Variants in CHD2 observed in about 807,000 individuals in gnomAD.
The protein encoded by CHD2 is chromodomain helicase DNA binding protein 2, also known as ATP-dependent chromatin remodeler CHD2.
Under a neutral mutation model 243.9 loss-of-function variants are expected in CHD2, and 28 were observed. The observed-to-expected ratio is 0.11, with a 90% CI of 0.09 to 0.16. The LOEUF is 0.16. CHD2 is among the 10% of genes least tolerant of loss of function. CHD2 has a pLI of 1.00. For synonymous variants in CHD2, 775 were observed against 779.0 expected (o/e 0.99, Z 0.09); for missense variants, 1,386 against 2,209.8 (o/e 0.63, Z 7.47).
chr15:92,911,565 C>T (rs2052735558), intron 2 of CHD2, among the ~76,000 whole-genome samples: 2 of 152,094 alleles, frequency 1.3e-5, no homozygotes, highest in South Asian at 2.1e-4. Context: ...TGGTGAAACC[C>T]TGTGTCTACT....
intron 26 of CHD2, among the ~76,000 whole-genome samples, chr15:92,987,085 C>G (rs537857795): frequency 6.6e-6 from 1 of 152,142 alleles, no homozygotes; most frequent in Non-Finnish European, 1.5e-5. Flanking sequence ...CTCTGTTACT[C>G]TTATATGATC....
At chr15:92,969,171 T>C (rs2053806800) in intron 17 of CHD2, among the ~76,000 whole-genome samples, 1 of 152,262 alleles carries the variant, frequency 6.6e-6, no homozygotes, top group East Asian at 1.9e-4. Context: ...ATATGATTTT[T>C]CTGGCAACTC....
chr15:92,904,773 C>T (rs1375606944), intron 2 of CHD2: 10 of 1,400,808 alleles, frequency 7.1e-6, no homozygotes, highest in Non-Finnish European at 9.2e-6. Flanking sequence ...AGCGTCCCTT[C>T]TCCCCGCCCC....
At chr15:92,939,550 T>C (rs898121624) in intron 6 of CHD2, 28 bp from the exon 7 acceptor site, 1 of 1,606,024 alleles carries the variant, frequency 6.2e-7, no homozygotes, top group Admixed American at 1.7e-5. Context: ...AGTGAAGACT[T>C]AGCCTTTTGT....
chr15:92,916,913 T>C (rs1035834048), intron 2 of CHD2, among the ~76,000 whole-genome samples: 4 of 152,246 alleles, frequency 2.6e-5, no homozygotes, highest in African/African-American at 9.6e-5. Context: ...TAAGAGACTT[T>C]AATTTCTGCA....
chr15:92,935,877 A>G (rs1342682171), intron 5 of CHD2, among the ~76,000 whole-genome samples: 1 of 152,152 alleles, frequency 6.6e-6, no homozygotes, highest in Non-Finnish European at 1.5e-5. Flanking sequence ...TTTCTGTCTT[A>G]CCAGAAGCAC....
chr15:93,014,565 G>A (rs1347703985), intron 36 of CHD2, 131 bp from the exon 37 acceptor site: 2 of 729,774 alleles, frequency 2.7e-6, no homozygotes, highest in Non-Finnish European at 4.6e-6. Context: ...TTTTTTGTTA[G>A]GAGGTAGTAA....
chr15:92,951,819 C>A (rs949511988), intron 13 of CHD2, among the ~76,000 whole-genome samples: 3 of 152,148 alleles, frequency 2.0e-5, no homozygotes, highest in Non-Finnish European at 2.9e-5. Context: ...CATCATTCTC[C>A]CTTTCCCAAG....
intron 5 of CHD2, among the ~76,000 whole-genome samples, chr15:92,933,211 A>T (rs1226179156): frequency 6.6e-6 from 1 of 152,172 alleles, no homozygotes; most frequent in Non-Finnish European, 1.5e-5. Context: ...AGCTGTATTC[A>T]TACTTTTAAA....
intron 17 of CHD2, among the ~76,000 whole-genome samples, chr15:92,971,480 G>A (rs1318675152): frequency 6.6e-6 from 1 of 152,168 alleles, no homozygotes; most frequent in Non-Finnish European, 1.5e-5. Flanking sequence ...TAAAGCATAT[G>A]TGTGTGTTGT....
chr15:92,974,588 T>G (rs2053883385), intron 19 of CHD2: 1 of 293,672 alleles, frequency 3.4e-6, no homozygotes, highest in Non-Finnish European at 6.5e-6. Flanking sequence ...AAGCACAGGT[T>G]GGGTTTTCGT....
chr15:92,962,943 T>C (rs1030746745), intron 16 of CHD2, among the ~76,000 whole-genome samples: 5 of 152,236 alleles, frequency 3.3e-5, no homozygotes, highest in African/African-American at 1.2e-4. Context: ...TGTGATTTTA[T>C]TATAGCTCCT....
chr15:92,971,018 T>C lies in CHD2; in HGVS notation c.2190-747T>C, dbSNP rs59312442. Among the ~76,000 whole-genome samples, 581 of 152,330 alleles carry C rather than the reference T, an allele frequency of 3.8e-3. 3 individuals carry two copies. The highest frequency in any genetic ancestry group is 0.013 in the African/African-American group (547 of 41,582). On this transcript the variant is annotated intron_variant, in intron 17 of 38. Coordinates refer to ENST00000394196, the MANE Select transcript of CHD2 (RefSeq NM_001271.4). The stretch of plus-strand genomic sequence containing the variant: ...TAAGTTATTTTGTCAGATAAAATAC[T>C]CTTTTACAATGTTAAAATGGGTATG...
chr15:92,963,625 T>C (rs1388748885), intron 16 of CHD2, among the ~76,000 whole-genome samples: 2 of 152,244 alleles, frequency 1.3e-5, no homozygotes, highest in African/African-American at 4.8e-5. Flanking sequence ...CGCTGTTGGG[T>C]ATTGCTTTCT....
At chr15:93,002,092 T>A in intron 32 of CHD2, 85 bp from the exon 33 acceptor site, 4 of 1,512,776 alleles carry the variant, frequency 2.6e-6, no homozygotes, top group Non-Finnish European at 3.5e-6. Flanking sequence ...GATGAACCAC[T>A]GGGGGCAGTG....
In CHD2 at chr15:93,009,203, A is replaced by G. The variant is rs1199546088; in HGVS notation, c.4472A>G (p.Lys1491Arg). 11 of 1,614,096 alleles carry G rather than the reference A, an allele frequency of 6.8e-6. No homozygotes were observed. The East Asian group carries it at 2.4e-4, about 36-fold the overall frequency. The change falls in exon 35 of 39, where the codon AAG (lysine) becomes AGG (arginine). Residue 1491 changes from lysine to arginine, a missense_variant. Lys to Arg is a conservative substitution (Grantham distance 26). Transcript: ENST00000394196. ...KALKQLDKPDKGLNVQEQLEH... is the reference protein window; with the variant it reads ...KALKQLDKPDRGLNVQEQLEH... ...CTGAAACAGCTCGACAAACCTGACA[A>G]GGGGCTCAACGTGCAAGAACAGCTG...
Position 93,024,850 on chromosome 15 carries a change from A to G in CHD2, c.*145A>G, listed in dbSNP as rs568451617. ...ACTCACTGGCTGAAGGAGCACTTCA[A>G]GGAATGGGAGGCCTTTCACTGGGTC... On this transcript the variant is annotated 3_prime_UTR_variant, in exon 39 of 39. Transcript: ENST00000394196. 1.6e-5 allele frequency: 11 copies of G among 693,254 alleles called. No individual in the cohort carries two copies. The highest frequency in any genetic ancestry group is 3.1e-5 in the Admixed American group (1 of 32,384). The allele number at this position is 693,254 out of a possible 1,614,324, so 42.9% of individuals were successfully genotyped here. A position where few individuals can be genotyped will look rare whatever the true frequency, so the allele number is the denominator to read the frequency against.
intron 5 of CHD2, among the ~76,000 whole-genome samples, chr15:92,934,424 AGG>A (rs147639991): frequency 0.47 from 71,187 of 151,936 alleles, 17,677 homozygotes; most frequent in East Asian, 0.84. Context: ...TACAGTATCT[AGG>A]GGGGACTCTG....
rs573207255 is a variant in CHD2 at position 92,963,195 on chromosome 15, G to A, written c.2001-4130G>A. On this transcript the variant is annotated intron_variant, in intron 16 of 38. Coordinates refer to ENST00000394196, the MANE Select transcript of CHD2 (RefSeq NM_001271.4). ...TTTAACAGAATTAATAATATGGTTGGATTTATTTCTGCTATTTTACTATTT... is the reference window on the plus strand; with the variant it reads ...TTTAACAGAATTAATAATATGGTTGAATTTATTTCTGCTATTTTACTATTT... Among the ~76,000 whole-genome samples the A allele has an allele frequency of 2.0e-4, 31 of 152,138 alleles. No homozygotes were observed. In the South Asian group the frequency reaches 5.8e-3, roughly 29 times the overall value.
Sources: allele counts gnomAD v4.1 joint callset (sites outside exome capture counted in the v4.1 genomes callset), GRCh38; gene constraint gnomAD v4.1.1; transcripts MANE v1.5; gene names NCBI Gene and HGNC (gene_info 2026-07-23, HGNC 2026-07-21).